QTGAL: variants seen among roughly 807,000 people sequenced by gnomAD.
QTGAL encodes BGnT-like protein 1.
At chr17:82,957,725 C>T in the QTGAL span, among the ~76,000 whole-genome samples, 1 of 152,176 alleles carries the variant, frequency 6.6e-6, no homozygotes, top group Non-Finnish European at 1.5e-5. Context: ...CAGGTGGGGA[C>T]AGATGAGAAG....
the QTGAL span, chr17:82,956,703 C>T: frequency 3.5e-5 from 55 of 1,581,368 alleles, no homozygotes; most frequent in Admixed American, 6.3e-4. The surrounding 1 kb of genome is among the most constrained non-coding windows in gnomAD (Gnocchi z 5.7). Flanking sequence ...ACCAGCTTCA[C>T]GCAGATGACG....
the QTGAL span, among the ~76,000 whole-genome samples, chr17:82,974,748 G>T: frequency 6.6e-6 from 1 of 152,190 alleles, no homozygotes; most frequent in African/African-American, 2.4e-5. Context: ...GACCCTGGGG[G>T]TGAGCTGGGT....
chr17:83,034,238 C>G, the QTGAL span, among the ~76,000 whole-genome samples: 224 of 152,350 alleles, frequency 1.5e-3, 1 homozygote, highest in Admixed American at 2.4e-3. Context: ...CCGCGCCCAG[C>G]CTTTTCTTAG....
the QTGAL span, among the ~76,000 whole-genome samples, chr17:82,970,624 C>CCGTGACCTCCGCACATGGT: frequency 1.5e-5 from 1 of 66,636 alleles, no homozygotes; most frequent in African/African-American, 6.7e-5. Context: ...CCCCACCCGG[C>CCGTGACCTCCGCACATGGT]GTGGCCGCGA....
chr17:83,018,923 C>T, the QTGAL span, among the ~76,000 whole-genome samples: 2 of 152,178 alleles, frequency 1.3e-5, no homozygotes, highest in African/African-American at 2.4e-5. Context: ...GGCCAGGAAT[C>T]GAGGGGCGGA....
At chr17:82,955,761 A>G in the QTGAL span, among the ~76,000 whole-genome samples, 2 of 152,228 alleles carry the variant, frequency 1.3e-5, no homozygotes, top group African/African-American at 2.4e-5. Context: ...ATGCCCATCA[A>G]TGATACACGG....
chr17:83,028,325 C>T, the QTGAL span, among the ~76,000 whole-genome samples: 1 of 151,164 alleles, frequency 6.6e-6, no homozygotes, highest in Non-Finnish European at 1.5e-5. Context: ...GAGATCGAGA[C>T]CATCCTGGCT....
chr17:83,037,558 C>T, the QTGAL span, among the ~76,000 whole-genome samples: 523 of 152,300 alleles, frequency 3.4e-3, 2 homozygotes, highest in Admixed American at 6.9e-3. This position sits in a 1 kb window ranked among gnomAD's most constrained non-coding sequence, Gnocchi z 5.2. Context: ...GATGGTGGGC[C>T]GTGTCTCCAG....
chr17:83,009,272 A>T, the QTGAL span, among the ~76,000 whole-genome samples: 1 of 151,950 alleles, frequency 6.6e-6, no homozygotes, highest in African/African-American at 2.4e-5. Flanking sequence ...AAATACAAAA[A>T]AATTAGCCGG....
the QTGAL span, among the ~76,000 whole-genome samples, chr17:82,979,695 G>A: frequency 0.83 from 126,175 of 152,254 alleles, 52,811 homozygotes; most frequent in African/African-American, 0.95. Flanking sequence ...AAATTGATTT[G>A]TAAGTTTAAC....
chr17:83,003,086 G>C, the QTGAL span, among the ~76,000 whole-genome samples: 1 of 23,550 alleles, frequency 4.2e-5, no homozygotes, highest in Non-Finnish European at 9.6e-5. Context: ...CGCAGTCCGC[G>C]TGTGGGATTC....
the QTGAL span, among the ~76,000 whole-genome samples, chr17:83,002,078 C>T: frequency 6.6e-6 from 1 of 151,542 alleles, no homozygotes; most frequent in African/African-American, 2.4e-5. Flanking sequence ...TTTAAATTTC[C>T]CACACTATAC....
chr17:82,992,247 G>C, the QTGAL span, among the ~76,000 whole-genome samples: 2 of 152,106 alleles, frequency 1.3e-5, no homozygotes, highest in Admixed American at 6.5e-5. Context: ...CTACCTCAAG[G>C]CATTTAATAA....
chr17:82,961,462 A>G, the QTGAL span: 1 of 437,056 alleles, frequency 2.3e-6, no homozygotes. Flanking sequence ...CTCAGGGCAA[A>G]GAGGAAGACA....
chr17:82,995,840 C>T, the QTGAL span, among the ~76,000 whole-genome samples: 1 of 151,282 alleles, frequency 6.6e-6, no homozygotes, highest in Non-Finnish European at 1.5e-5. Context: ...AACACTGATG[C>T]AAGAAATTAA....
chr17:82,966,946 G>T, the QTGAL span, among the ~76,000 whole-genome samples: 2 of 152,178 alleles, frequency 1.3e-5, no homozygotes, highest in East Asian at 1.9e-4. Flanking sequence ...TACGTTCGGC[G>T]AACACTAAGT....
chr17:82,993,890 A>AC, the QTGAL span, among the ~76,000 whole-genome samples: 1 of 152,168 alleles, frequency 6.6e-6, no homozygotes, highest in African/African-American at 2.4e-5. Context: ...TAATTTAACA[A>AC]TATGCTCCTG....
the QTGAL span, among the ~76,000 whole-genome samples, chr17:83,043,475 C>T: frequency 4.6e-5 from 7 of 151,882 alleles, no homozygotes; most frequent in South Asian, 2.1e-4. Flanking sequence ...CAGAGACAAA[C>T]GAAAACAAAA....
At chr17:83,005,282 A>G in the QTGAL span, 6 of 1,230,234 alleles carry the variant, frequency 4.9e-6, no homozygotes, top group Non-Finnish European at 5.8e-6. This position sits in a 1 kb window ranked among gnomAD's most constrained non-coding sequence, Gnocchi z 5.6. Context: ...ACCTGTGTGT[A>G]TTCATCTCAC....
Sources: gnomAD v4.1 joint callset for allele counts (sites outside exome capture counted in the v4.1 genomes callset) on GRCh38, gnomAD v4.1.1 for gene constraint, Gnocchi (gnomAD v3.1) non-coding constraint, MANE v1.5 for transcripts, NCBI Gene and HGNC (gene_info 2026-07-23, HGNC 2026-07-21) for gene names.